The following SLC12A1 variants were observed in gnomAD, a reference collection of about 807,000 sequenced individuals.
SLC12A1 encodes the protein Na-K-2Cl cotransporter.
In SLC12A1, 89 loss-of-function variants were observed where a neutral mutation model predicts 130.4. That is an observed-to-expected ratio of 0.68 (90% confidence interval 0.58 to 0.81). SLC12A1 has a LOEUF of 0.81. SLC12A1 is among the 40% of genes least tolerant of loss of function. SLC12A1 has a pLI of 0.00. For synonymous variants in SLC12A1, 499 were observed against 460.0 expected (o/e 1.08, Z -1.09); for missense variants, 1,310 against 1,336.4 (o/e 0.98, Z 0.31).
chr15:48,212,662 C>T (rs1459575113), intron 2 of SLC12A1, among the ~76,000 whole-genome samples: 6 of 152,106 alleles, frequency 3.9e-5, no homozygotes, highest in Admixed American at 3.9e-4. Flanking sequence ...TTGTTGTTAG[C>T]ATTTCAGAAA....
At chr15:48,295,700 A>G (rs547550315) in intron 24 of SLC12A1, among the ~76,000 whole-genome samples, 35 of 143,212 alleles carry the variant, frequency 2.4e-4, no homozygotes, top group Admixed American at 6.7e-4. Context: ...AAATGCAGGG[A>G]AAAAAAATCC....
At chr15:48,259,113 C>T (rs2041741241) in intron 16 of SLC12A1, 87 bp from the exon 17 acceptor site, 1 of 862,146 alleles carries the variant, frequency 1.2e-6, no homozygotes, top group African/African-American at 1.7e-5. Flanking sequence ...TTTTTCCAAG[C>T]CTCTGTACCT....
chr15:48,266,440 C>T (rs2041832141), intron 17 of SLC12A1, among the ~76,000 whole-genome samples: 1 of 110,932 alleles, frequency 9.0e-6, no homozygotes, highest in Non-Finnish European at 2.1e-5. Flanking sequence ...ACCGCAAAGC[C>T]TGGGCTTTTT....
intron 21 of SLC12A1, 38 bp downstream of exon 21, chr15:48,285,287 A>T: frequency 1.9e-6 from 3 of 1,602,762 alleles, no homozygotes; most frequent in Non-Finnish European, 1.7e-6. Context: ...AGTTTACAAG[A>T]TGAGTCACTA....
chr15:48,251,683 G>A lies in SLC12A1; in HGVS notation c.1855G>A (p.Val619Ile), dbSNP rs139589325. 1.4e-5 allele frequency: 23 copies of A among 1,613,342 alleles called. No homozygotes were observed. The highest frequency in any genetic ancestry group is 8.5e-7 in the Non-Finnish European group (1 of 1,179,428). The change falls in exon 15 of 27, where the codon GTC becomes ATC. Residue 619 changes from valine to isoleucine, a missense_variant. Transcript: ENST00000380993. Reference sequence around the variant, plus strand: ...TTTTGGAGCTGTTTTGTGCTGTGCAGTCATGTTTGTCATCAACTGGTGGGC... The same window carrying A: ...TTTTGGAGCTGTTTTGTGCTGTGCAATCATGTTTGTCATCAACTGGTGGGC... The part of the protein sequence containing the change: ...SLFGAVLCCA[V>I]MFVINWWAAV...
At chr15:48,232,613 C>A in intron 7 of SLC12A1, 114 bp from the exon 8 acceptor site, 1 of 742,154 alleles carries the variant, frequency 1.3e-6, no homozygotes, top group South Asian at 1.5e-5. Context: ...GTAGCAGAGA[C>A]TTAACTGAAA....
At chr15:48,228,540 T>C in intron 5 of SLC12A1, 2 of 172,298 alleles carry the variant, frequency 1.2e-5, no homozygotes, top group South Asian at 2.4e-4. Context: ...CACATATATA[T>C]CAGAAAATTT....
At position 48,232,833 on chromosome 15, in the gene SLC12A1, A is replaced by G; in HGVS notation, c.1082A>G (p.Tyr361Cys). 6.3e-7 allele frequency: 1 copy of G among 1,577,812 alleles called. No homozygotes were observed. The highest frequency in any genetic ancestry group is 2.2e-5 in the East Asian group (1 of 44,720). The change falls in exon 8 of 27, where the codon TAC (tyrosine) becomes TGC (cysteine). Residue 361 changes from tyrosine to cysteine, a missense_variant. Tyr to Cys is a radical substitution (Grantham distance 194). Transcript: ENST00000380993. ...NEKKSRGFFNYQASIFAENFG... is the reference protein window; with the variant it reads ...NEKKSRGFFNCQASIFAENFG... ...AAAAAGTCCAGAGGTTTCTTTAATT[A>G]CCAAGGTACATGGAATAAATTGGTT...
At chr15:48,221,595 G>T (rs2041217137) in intron 4 of SLC12A1, 1 of 440,918 alleles carries the variant, frequency 2.3e-6, no homozygotes. Context: ...ATGAAAAATG[G>T]ATAATAATGA....
chr15:48,248,172 G>A (rs934860551), intron 13 of SLC12A1, among the ~76,000 whole-genome samples: 2 of 152,164 alleles, frequency 1.3e-5, no homozygotes, highest in Admixed American at 1.3e-4. Flanking sequence ...ACACATAGGC[G>A]GGCAGAGACT....
In SLC12A1 at chr15:48,285,191, C is replaced by T. The variant is rs765129517; in HGVS notation, c.2571C>T (p.Ile857=). ...AGTGTGAAGAGGAAAGTGGAGGCAT[C>T]CGAGGCTTGTTTAAAAAAGCTGGCA... ...DNECEEESGG[I]RGLFKKAGKL... The change falls in exon 21 of 27, where the codon ATC becomes ATT. Residue 857 remains isoleucine, a synonymous_variant. Coordinates refer to ENST00000380993, the MANE Select transcript of SLC12A1 (RefSeq NM_000338.3). 6.2e-7 allele frequency: 1 copy of T among 1,613,780 alleles called. No individual in the cohort carries two copies. Among genetic ancestry groups the T allele is most frequent in the Non-Finnish European group, 8.5e-7 (1 of 1,179,792 alleles).
At chr15:48,223,537 A>G (rs2041243084) in intron 4 of SLC12A1, 1 of 152,236 alleles carries the variant, frequency 6.6e-6, no homozygotes, top group African/African-American at 2.4e-5. Context: ...CAAAAGGATG[A>G]ATTAAGAATT....
chr15:48,294,976 AT>A (rs2042161658), intron 24 of SLC12A1, among the ~76,000 whole-genome samples: 1 of 151,008 alleles, frequency 6.6e-6, no homozygotes, highest in South Asian at 2.1e-4. Flanking sequence ...AGGTGGTACA[AT>A]CATAGCTCAT....
intron 26 of SLC12A1, among the ~76,000 whole-genome samples, chr15:48,301,806 G>T (rs571603062): frequency 2.0e-5 from 3 of 152,314 alleles, no homozygotes; most frequent in Non-Finnish European, 4.4e-5. Context: ...GAAGAGGCCA[G>T]GGTAGGAGAA....
chr15:48,214,377 A>T (rs8023477), intron 2 of SLC12A1, among the ~76,000 whole-genome samples: 122,515 of 152,192 alleles, frequency 0.81, 54,761 homozygotes, highest in Non-Finnish European at 1. Flanking sequence ...AATATTAAGA[A>T]CCTTTCCATT....
chr15:48,251,899 C>A, intron 15 of SLC12A1, 129 bp downstream of exon 15: 1 of 778,098 alleles, frequency 1.3e-6, no homozygotes, highest in Non-Finnish European at 2.0e-6. Flanking sequence ...TAATATCGTG[C>A]AATATAATAG....
intron 9 of SLC12A1, 37 bp from the exon 10 acceptor site, chr15:48,241,478 C>T (rs1336151787): frequency 1.4e-6 from 2 of 1,428,768 alleles, no homozygotes; most frequent in Non-Finnish European, 9.9e-7. Context: ...TCTTATTCTG[C>T]TCTGTATTCT....
intron 20 of SLC12A1, among the ~76,000 whole-genome samples, chr15:48,283,246 G>A (rs181069216): frequency 1.7e-4 from 26 of 152,262 alleles, no homozygotes; most frequent in African/African-American, 6.0e-4. Flanking sequence ...GCAAAGCTTG[G>A]GGGGTGGGAA....
chr15:48,225,857 G>A (rs1249986076), intron 4 of SLC12A1: 1 of 978,882 alleles, frequency 1.0e-6, no homozygotes, highest in East Asian at 1.1e-4. Context: ...CTGAGGTCTT[G>A]GTGTGATTAT....
Sources: gnomAD v4.1 joint callset for allele counts (sites outside exome capture counted in the v4.1 genomes callset) on GRCh38, gnomAD v4.1.1 for gene constraint, MANE v1.5 for transcripts, NCBI Gene and HGNC (gene_info 2026-07-23, HGNC 2026-07-21) for gene names.